The following LONRF3 variants were observed in gnomAD, a reference collection of about 807,000 sequenced individuals.
LONRF3 encodes the protein LON peptidase N-terminal domain and ring finger 3, also known as LON peptidase N-terminal domain and RING finger protein 3.
Under a neutral mutation model 51.7 loss-of-function variants are expected in LONRF3, and 19 were observed. The ratio of observed to expected loss-of-function variants is 0.37; its 90% confidence interval spans 0.26 to 0.54. The LOEUF (loss-of-function observed/expected upper bound fraction) is 0.54, where lower values mean the gene tolerates loss of function less well. Ranked by LOEUF, LONRF3 falls within the 20% of genes least tolerant of loss-of-function variation. LONRF3 has a pLI of 0.86. For synonymous variants in LONRF3, 265 were observed against 257.8 expected (o/e 1.03, Z -0.27); for missense variants, 521 against 623.9 (o/e 0.84, Z 1.76).
chrX:118,980,035 T>C (rs1177782743), intron 2 of LONRF3, among the ~76,000 whole-genome samples: 1 of 112,225 alleles, frequency 8.9e-6, no homozygotes, highest in Non-Finnish European at 1.9e-5. Context: ...AAAATGAAGC[T>C]ATTGATATCT....
intron 4 of LONRF3, 85 bp downstream of exon 4, chrX:118,989,757 G>A (rs1434867909): frequency 2.0e-6 from 2 of 1,000,997 alleles, no homozygotes; most frequent in South Asian, 2.5e-5. Context: ...TCTGTCTGGG[G>A]GCTCCTTAGG....
intron 3 of LONRF3, among the ~76,000 whole-genome samples, chrX:118,987,600 G>A (rs972866526): frequency 9.2e-6 from 1 of 109,109 alleles, no homozygotes; most frequent in African/African-American, 3.3e-5. Context: ...AGATCCAGCC[G>A]AGAGAGATTT....
intron 3 of LONRF3, among the ~76,000 whole-genome samples, chrX:118,988,645 G>A (rs1923182267): frequency 1.8e-5 from 2 of 111,128 alleles, no homozygotes; most frequent in Non-Finnish European, 3.8e-5. Context: ...TATGGACTAT[G>A]GGTTTAGATT....
intron 10 of LONRF3, among the ~76,000 whole-genome samples, chrX:119,014,983 A>G (rs1285254358): frequency 8.9e-6 from 1 of 112,018 alleles, no homozygotes; most frequent in Non-Finnish European, 1.9e-5. Flanking sequence ...GTAGTTTGTT[A>G]GGTTCTACTG....
chrX:118,989,187 C>T (rs1368623282), intron 3 of LONRF3, among the ~76,000 whole-genome samples: 1 of 111,426 alleles, frequency 9.0e-6, no homozygotes, highest in Non-Finnish European at 1.9e-5. Flanking sequence ...AGGAAGTTCC[C>T]TAACTCCACC....
At chrX:119,004,709 A>T (rs1263987032) in intron 5 of LONRF3, among the ~76,000 whole-genome samples, 5 of 111,574 alleles carry the variant, frequency 4.5e-5, no homozygotes, top group Non-Finnish European at 9.4e-5. Context: ...TTTGGGAGGG[A>T]TGGGTATGTT....
chrX:119,002,185 G>C (rs1360143278), intron 5 of LONRF3, among the ~76,000 whole-genome samples: 1 of 112,121 alleles, frequency 8.9e-6, no homozygotes, highest in African/African-American at 3.2e-5. Flanking sequence ...ACCCCTCTCA[G>C]TTCAAGAAGT....
chrX:118,989,795 T>G (rs1262960584), intron 4 of LONRF3, 123 bp downstream of exon 4: 18 of 724,539 alleles, frequency 2.5e-5, no homozygotes, highest in Non-Finnish European at 3.6e-5. Context: ...AGCTCTGGCA[T>G]TTACTAGCTG....
At position 118,981,408 on chromosome X, in the gene LONRF3, C is replaced by G. The variant is rs1398402567; in HGVS notation, c.937-1413C>G. On this transcript the variant is annotated intron_variant, in intron 2 of 10. Transcript: ENST00000371628. ...GCTGAGGCCGGAGAATCGCTTGAAC[C>G]TAGGAGGTGGAGGTTGTAGTGAGCC... 2.8e-5 allele frequency among the ~76,000 whole-genome samples: 3 copies of G among 105,557 alleles called. No individual in the cohort carries two copies. In the East Asian group the frequency reaches 8.8e-4, roughly 31 times the overall value. 91.7% of individuals were successfully genotyped at this position (105,557 alleles called of 115,157 possible). A position where few individuals can be genotyped will look rare whatever the true frequency, so the allele number is the denominator to read the frequency against.
At chrX:118,975,727 G>GGGGGGGGGGA in intron 1 of LONRF3, 130 bp downstream of exon 1, 3 of 459,115 alleles carry the variant, frequency 6.5e-6, no homozygotes, top group Non-Finnish European at 1.0e-5. Context: ...ATGGACTGTG[G>GGGGGGGGGGA]CGGGGTGGGG....
At chrX:118,992,881 G>A (rs948589754) in intron 5 of LONRF3, among the ~76,000 whole-genome samples, 3 of 111,318 alleles carry the variant, frequency 2.7e-5, no homozygotes, top group East Asian at 5.7e-4. Context: ...GCCTGGAGCC[G>A]GGTAGACTGT....
At chrX:119,002,612 G>GTT (rs1924398045) in intron 5 of LONRF3, among the ~76,000 whole-genome samples, 1 of 110,915 alleles carries the variant, frequency 9.0e-6, no homozygotes. Flanking sequence ...GTGCTTATAA[G>GTT]TGTTTGTTCA....
At chrX:118,987,863 G>A (rs1182100073) in intron 3 of LONRF3, among the ~76,000 whole-genome samples, 1 of 112,018 alleles carries the variant, frequency 8.9e-6, no homozygotes, top group Admixed American at 9.4e-5. Flanking sequence ...ATTTGTAACA[G>A]AGAAGAGGAA....
In LONRF3 at chrX:118,989,673, G is replaced by A; in HGVS notation, c.1324+1G>A. ...ATGCCTAATAAAGCCTCCAAGCAAG[G>A]TACTGGCTCTACCCAGAGAGAAGGT... On this transcript the variant is annotated splice_donor_variant, in intron 4 of 10. Transcript: ENST00000371628. LOFTEE classifies it high-confidence loss of function. 1 of 1,206,672 alleles carries A rather than the reference G, an allele frequency of 8.3e-7. No individual in the cohort carries two copies. The highest frequency in any genetic ancestry group is 1.1e-6 in the Non-Finnish European group (1 of 893,258).
chrX:119,000,796 TC>T (rs1924235215), intron 5 of LONRF3, among the ~76,000 whole-genome samples: 1 of 11,624 alleles, frequency 8.6e-5, no homozygotes, highest in Non-Finnish European at 1.5e-4. Flanking sequence ...TCTCTCTCTC[TC>T]TCTCTCTCTC....
chrX:119,003,738 A>G (rs1924496331), intron 5 of LONRF3, among the ~76,000 whole-genome samples: 1 of 112,489 alleles, frequency 8.9e-6, no homozygotes, highest in African/African-American at 3.2e-5. Flanking sequence ...TTTAGAAATC[A>G]ACTTGTCAAG....
intron 7 of LONRF3, 119 bp downstream of exon 7, chrX:119,009,366 A>G: frequency 4.0e-6 from 3 of 750,692 alleles, no homozygotes; most frequent in Non-Finnish European, 5.7e-6. Context: ...GAAATTGGCT[A>G]TGGTGAGAGT....
chrX:119,016,189 T>C (rs903289237), intron 10 of LONRF3, among the ~76,000 whole-genome samples: 1 of 111,217 alleles, frequency 9.0e-6, no homozygotes, highest in Non-Finnish European at 1.9e-5. Context: ...CTTGTGAAAG[T>C]TGTGGGCAGA....
intron 5 of LONRF3, among the ~76,000 whole-genome samples, chrX:118,993,462 A>G (rs1807359136): frequency 1.8e-5 from 2 of 111,770 alleles, no homozygotes; most frequent in South Asian, 7.5e-4. Flanking sequence ...AATTAACCCA[A>G]TCCAACAAAG....
Sources: allele counts gnomAD v4.1 joint callset (sites outside exome capture counted in the v4.1 genomes callset), GRCh38; gene constraint gnomAD v4.1.1; transcripts MANE v1.5; gene names NCBI Gene and HGNC (gene_info 2026-07-23, HGNC 2026-07-21).